ASIC2: variants seen among roughly 807,000 people sequenced by gnomAD.
ASIC2 encodes acid-sensing ion channel 2.
A neutral mutation model predicts 57.3 loss-of-function variants in ASIC2; 25 were observed. The observed-to-expected ratio is 0.44, with a 90% CI of 0.32 to 0.61. ASIC2 has a LOEUF of 0.61. Among genes scored for constraint, ASIC2 ranks in the 20% least tolerant of loss-of-function variants. The pLI, the probability that ASIC2 is intolerant of heterozygous loss-of-function variation, is 0.06. For synonymous variants in ASIC2, 319 were observed against 307.5 expected (o/e 1.04, Z -0.39); for missense variants, 641 against 738.1 (o/e 0.87, Z 1.52).
At chr17:33,998,988 G>T (rs1906248057) in intron 1 of ASIC2, among the ~76,000 whole-genome samples, 1 of 151,952 alleles carries the variant, frequency 6.6e-6, no homozygotes. Flanking sequence ...TAATGTTGTT[G>T]TCTGTTTTAC....
intron 1 of ASIC2, among the ~76,000 whole-genome samples, chr17:33,780,856 A>G (rs1911429593): frequency 6.6e-6 from 1 of 152,126 alleles, no homozygotes; most frequent in Non-Finnish European, 1.5e-5. Flanking sequence ...CTCAGCCTAG[A>G]TATGACTCTT....
chr17:33,495,849 G>A (rs1361142864), intron 1 of ASIC2, among the ~76,000 whole-genome samples: 1 of 152,190 alleles, frequency 6.6e-6, no homozygotes, highest in Non-Finnish European at 1.5e-5. Flanking sequence ...AGTCATTCCT[G>A]AGAAAGTGAC....
chr17:34,068,140 T>C (rs1191338320), intron 1 of ASIC2, among the ~76,000 whole-genome samples: 1 of 152,190 alleles, frequency 6.6e-6, no homozygotes, highest in Non-Finnish European at 1.5e-5. Flanking sequence ...CCAAATCGGG[T>C]AGGTGTGGAG....
chr17:33,018,821 A>G (rs985999241), intron 7 of ASIC2, among the ~76,000 whole-genome samples: 12 of 148,928 alleles, frequency 8.1e-5, no homozygotes, highest in Non-Finnish European at 1.5e-4. Context: ...AGGTTTGGGA[A>G]TTGGGTTTGG....
chr17:33,624,784 T>C (rs909355631), intron 1 of ASIC2, among the ~76,000 whole-genome samples: 1 of 152,246 alleles, frequency 6.6e-6, no homozygotes, highest in African/African-American at 2.4e-5. Context: ...TGGTTGCTTA[T>C]CATAGGGCTA....
At chr17:33,271,422 C>A (rs1270211400) in intron 1 of ASIC2, among the ~76,000 whole-genome samples, 1 of 152,172 alleles carries the variant, frequency 6.6e-6, no homozygotes, top group Non-Finnish European at 1.5e-5. Context: ...TACTAGGATA[C>A]CCAATAGTTA....
At chr17:33,898,880 A>C (rs1032183459) in intron 1 of ASIC2, among the ~76,000 whole-genome samples, 7 of 152,158 alleles carry the variant, frequency 4.6e-5, no homozygotes, top group African/African-American at 1.7e-4. Flanking sequence ...CAGGGTGCAC[A>C]AGAATATTAA....
At chr17:34,052,036 C>T (rs1258071341) in intron 1 of ASIC2, among the ~76,000 whole-genome samples, 2 of 152,162 alleles carry the variant, frequency 1.3e-5, no homozygotes, top group African/African-American at 4.8e-5. Context: ...AGGTCAGATA[C>T]TTGGTTCTCA....
intron 1 of ASIC2, among the ~76,000 whole-genome samples, chr17:33,578,975 T>C (rs1450303356): frequency 1.3e-5 from 2 of 152,086 alleles, no homozygotes; most frequent in Non-Finnish European, 2.9e-5. Flanking sequence ...AGGGAGCACC[T>C]TGGAAGCGGT....
chr17:33,578,082 G>A (rs1041891594), intron 1 of ASIC2, among the ~76,000 whole-genome samples: 28 of 152,212 alleles, frequency 1.8e-4, no homozygotes, highest in Non-Finnish European at 2.6e-4. Context: ...CATACTTCCC[G>A]TCTCCTAAAC....
intron 1 of ASIC2, among the ~76,000 whole-genome samples, chr17:33,152,989 G>A (rs772181351): frequency 1.4e-4 from 21 of 152,338 alleles, no homozygotes; most frequent in Non-Finnish European, 2.8e-4. Context: ...TCTTGTGCCT[G>A]TGGCTTGGAT....
intron 1 of ASIC2, among the ~76,000 whole-genome samples, chr17:33,198,277 G>C (rs142953119): frequency 6.6e-6 from 1 of 152,170 alleles, no homozygotes; most frequent in African/African-American, 2.4e-5. Flanking sequence ...CCTTGAACTC[G>C]GGAGGTCCAG....
chr17:34,003,634 A>G (rs1051919900), intron 1 of ASIC2: 1 of 151,898 alleles, frequency 6.6e-6, no homozygotes, highest in African/African-American at 2.4e-5. Context: ...TCTTTTGTAT[A>G]TTTTTCACAT....
intron 2 of ASIC2, among the ~76,000 whole-genome samples, chr17:33,096,689 G>A (rs1284918228): frequency 6.6e-6 from 1 of 152,240 alleles, no homozygotes. Context: ...GAGAAGTGAT[G>A]CAGAGGAAGG....
chr17:33,250,876 A>G (rs932221330), intron 1 of ASIC2, among the ~76,000 whole-genome samples: 2 of 152,226 alleles, frequency 1.3e-5, no homozygotes, highest in African/African-American at 2.4e-5. Flanking sequence ...GTTTAAAGCT[A>G]TATGTAATCG....
intron 1 of ASIC2, among the ~76,000 whole-genome samples, chr17:33,142,324 G>T (rs2142019072): frequency 6.6e-6 from 1 of 152,296 alleles, no homozygotes; most frequent in African/African-American, 2.4e-5. Context: ...TAGCATTTCT[G>T]CCCAGAGTAT....
intron 1 of ASIC2, among the ~76,000 whole-genome samples, chr17:34,142,646 T>G (rs963476337): frequency 6.6e-6 from 1 of 152,198 alleles, no homozygotes; most frequent in Non-Finnish European, 1.5e-5. Flanking sequence ...CATTTGCAAA[T>G]TTGTCAATTA....
intron 3 of ASIC2, among the ~76,000 whole-genome samples, chr17:33,064,092 G>A (rs1379683474): frequency 6.6e-6 from 1 of 152,094 alleles, no homozygotes; most frequent in Admixed American, 6.5e-5. Context: ...TAACTTCTTT[G>A]CGATGGGTTC....
At chr17:33,383,281 G>A (rs1909556270) in intron 1 of ASIC2, among the ~76,000 whole-genome samples, 1 of 152,194 alleles carries the variant, frequency 6.6e-6, no homozygotes, top group South Asian at 2.1e-4. Context: ...GTTTGAGGGT[G>A]AGGCCATGTT....
Sources: allele counts gnomAD v4.1 joint callset (sites outside exome capture counted in the v4.1 genomes callset), GRCh38; gene constraint gnomAD v4.1.1; transcripts MANE v1.5; gene names NCBI Gene and HGNC (gene_info 2026-07-23, HGNC 2026-07-21).